RORA: variants seen among roughly 807,000 people sequenced by gnomAD.
RORA encodes the protein RAR related orphan receptor A, also known as nuclear receptor ROR-alpha.
RORA carries 7 observed loss-of-function variants against 69.5 expected under a neutral mutation model. That is an observed-to-expected ratio of 0.10 (90% confidence interval 0.06 to 0.19). The LOEUF (loss-of-function observed/expected upper bound fraction) is 0.19. Among genes scored for constraint, RORA ranks in the 10% least tolerant of loss-of-function variants. The pLI is 1.00. For synonymous variants in RORA, 261 were observed against 240.8 expected, an observed-to-expected ratio of 1.08 and a Z score of -0.78; for missense variants, 457 against 663.0, an observed-to-expected ratio of 0.69 and a Z score of 3.41.
At chr15:61,089,151 C>T (rs2078667946) in intron 1 of RORA, among the ~76,000 whole-genome samples, 2 of 152,154 alleles carry the variant, frequency 1.3e-5, no homozygotes, top group South Asian at 4.1e-4. Context: ...TGAATCAGCA[C>T]CTCAAGCATA....
rs34707279 is a variant in RORA at position 60,517,110 on chromosome 15, C to CTTTTTTTTTTTTTTTTTTTTTTTTTT, written c.283-2354_283-2353insAAAAAAAAAAAAAAAAAAAAAAAAAA. Among the ~76,000 whole-genome samples, 131 of 141,194 alleles carry CTTTTTTTTTTTTTTTTTTTTTTTTTT rather than the reference C, an allele frequency of 9.3e-4. 6 individuals are homozygous for CTTTTTTTTTTTTTTTTTTTTTTTTTT. The highest frequency in any genetic ancestry group is 3.6e-3 in the African/African-American group (127 of 35,436). 92.6% of individuals were successfully genotyped at this position (141,194 alleles called of 152,430 possible). On this transcript the variant is annotated intron_variant, in intron 3 of 10. Transcript: ENST00000335670. ...TTATTTTTCTTTTTGTTCATCTGTG[C>CTTTTTTTTTTTTTTTTTTTTTTTTTT]TTTTTTTTTTTTTCCCCCCTACAAT... is the stretch of plus-strand genomic sequence containing the variant.
chr15:60,743,795 A>G (rs1268350477), intron 1 of RORA, among the ~76,000 whole-genome samples: 1 of 152,206 alleles, frequency 6.6e-6, no homozygotes, highest in African/African-American at 2.4e-5. Context: ...TCTCAGTTAC[A>G]TGCATATGTG....
intron 1 of RORA, chr15:60,763,943 A>G (rs2071940301): frequency 6.6e-6 from 1 of 152,082 alleles, no homozygotes; most frequent in South Asian, 2.1e-4. Flanking sequence ...GGTGTCTCTC[A>G]TTACAGTTAG....
At chr15:60,928,717 T>C (rs1892288103) in intron 1 of RORA, among the ~76,000 whole-genome samples, 1 of 152,132 alleles carries the variant, frequency 6.6e-6, no homozygotes, top group African/African-American at 2.4e-5. Flanking sequence ...TCCCACAGCA[T>C]GTTCATGGGA....
intron 1 of RORA, among the ~76,000 whole-genome samples, chr15:61,059,564 C>G (rs1466955947): frequency 6.6e-6 from 1 of 152,166 alleles, no homozygotes; most frequent in Non-Finnish European, 1.5e-5. Context: ...TTGCTCCATA[C>G]AAAATCTGCT....
At chr15:60,717,796 CTTT>C (rs10653856) in intron 1 of RORA, among the ~76,000 whole-genome samples, 1 of 91,994 alleles carries the variant, frequency 1.1e-5, no homozygotes, top group African/African-American at 4.2e-5. Context: ...TTCTTTTTCT[CTTT>C]TTTTTTTTTT....
intron 1 of RORA, among the ~76,000 whole-genome samples, chr15:60,965,226 C>T (rs1189372828): frequency 6.6e-6 from 1 of 152,148 alleles, no homozygotes; most frequent in Non-Finnish European, 1.5e-5. Flanking sequence ...GTCCCGCCAC[C>T]AGTTTTTGAC....
At chr15:61,178,555 T>A (rs2079652412) in intron 1 of RORA, among the ~76,000 whole-genome samples, 1 of 152,148 alleles carries the variant, frequency 6.6e-6, no homozygotes, top group African/African-American at 2.4e-5. Context: ...CTGGTAGTGC[T>A]GTGTCTACTA....
chr15:61,123,285 G>A (rs937432120), intron 1 of RORA, among the ~76,000 whole-genome samples: 1 of 152,136 alleles, frequency 6.6e-6, no homozygotes. Flanking sequence ...AACTGCCAAT[G>A]AGGCGAGGGG....
chr15:61,043,219 G>C (rs564927644), intron 1 of RORA, among the ~76,000 whole-genome samples: 1 of 152,258 alleles, frequency 6.6e-6, no homozygotes, highest in Non-Finnish European at 1.5e-5. Context: ...GTCCAATCTA[G>C]GTAACTTAAC....
intron 1 of RORA, among the ~76,000 whole-genome samples, chr15:61,093,512 C>T (rs1182885403): frequency 6.6e-6 from 1 of 152,236 alleles, no homozygotes; most frequent in Non-Finnish European, 1.5e-5. Context: ...TTTCTCATCC[C>T]TGTACTCAGA....
rs182859900 is a variant in RORA, at chr15:60,610,805, C to T, written c.196+67852G>A. 1.3e-3 allele frequency among the ~76,000 whole-genome samples: 195 copies of T among 152,148 alleles called. 1 individual carries two copies. The highest frequency in any genetic ancestry group is 2.2e-3 in the Non-Finnish European group (149 of 68,018). Reference sequence around the variant, plus strand: ...CTTTAGGACTGTGTCCAATCCAGGGCGACCATCCAAATACAAACTTTGAAT... The same window carrying T: ...CTTTAGGACTGTGTCCAATCCAGGGTGACCATCCAAATACAAACTTTGAAT... On this transcript the variant is annotated intron_variant, in intron 2 of 10. Coordinates refer to ENST00000335670, the MANE Select transcript of RORA (RefSeq NM_134261.3).
intron 1 of RORA, among the ~76,000 whole-genome samples, chr15:60,730,552 T>C (rs531928635): frequency 6.6e-6 from 1 of 152,342 alleles, no homozygotes; most frequent in Non-Finnish European, 1.5e-5. Context: ...AATCCTTCTC[T>C]TCTCTTTTGA....
At position 60,718,520 on chromosome 15, in the gene RORA, G is replaced by A. The variant is rs148145870; in HGVS notation, c.167-39834C>T. Among the ~76,000 whole-genome samples the A allele has an allele frequency of 7.2e-4, 109 of 152,308 alleles. 1 individual carries two copies. In the East Asian group the frequency reaches 0.02, roughly 28 times the overall value. On this transcript the variant is annotated intron_variant, in intron 1 of 10. Transcript: ENST00000335670. ...GGTTTTCTGGCTAAATGAATGAAAG[G>A]TATCCGTCTGTGGTTTAATCACATT...
chr15:60,697,230 C>T (rs534249180), intron 1 of RORA, among the ~76,000 whole-genome samples: 1 of 152,300 alleles, frequency 6.6e-6, no homozygotes, highest in East Asian at 1.9e-4. Flanking sequence ...AGTAATTTCA[C>T]ATTACAAATG....
At chr15:60,612,964 T>A (rs2069132953) in intron 2 of RORA, among the ~76,000 whole-genome samples, 1 of 152,064 alleles carries the variant, frequency 6.6e-6, no homozygotes, top group African/African-American at 2.4e-5. Flanking sequence ...TCTAGGCATT[T>A]CCTAGAGAAG....
chr15:60,556,350 TAGAAAC>T (rs2067359204), intron 2 of RORA, among the ~76,000 whole-genome samples: 2 of 152,140 alleles, frequency 1.3e-5, no homozygotes, highest in Admixed American at 1.3e-4. Flanking sequence ...GTTTCATAAA[TAGAAAC>T]AGGGAGGAGA....
chr15:60,534,132 T>G lies in RORA; in HGVS notation c.197-2281A>C, dbSNP rs192710768. On this transcript the variant is annotated intron_variant, in intron 2 of 10. Transcript: ENST00000335670. This position sits in a 1 kb window ranked among gnomAD's most constrained non-coding sequence, Gnocchi z 5.0. ...ACAGTCGGCCTGGACTCACAGTGGA[T>G]TACTAATTAGAAGTGAAGCAACGAT... Among the ~76,000 whole-genome samples, 233 of 152,292 alleles carry G rather than the reference T, an allele frequency of 1.5e-3. No individual in the cohort carries two copies. Among genetic ancestry groups the G allele is most frequent in the Non-Finnish European group, 1.4e-3 (93 of 68,014 alleles).
chr15:61,158,519 G>A (rs573539824), intron 1 of RORA, among the ~76,000 whole-genome samples: 1 of 152,250 alleles, frequency 6.6e-6, no homozygotes, highest in South Asian at 2.1e-4. Flanking sequence ...TACTTCCTAG[G>A]TGGCTGCCAA....
Sources: gnomAD v4.1 joint callset for allele counts (sites outside exome capture counted in the v4.1 genomes callset) on GRCh38, gnomAD v4.1.1 for gene constraint, Gnocchi (gnomAD v3.1) non-coding constraint, MANE v1.5 for transcripts, NCBI Gene and HGNC (gene_info 2026-07-23, HGNC 2026-07-21) for gene names.